Variants in ERCC6L2 observed in about 807,000 individuals in gnomAD.
The protein encoded by ERCC6L2 is DNA excision repair protein ERCC-6-like 2.
ERCC6L2 carries 77 observed loss-of-function variants against 132.0 expected under a neutral mutation model. The ratio of observed to expected loss-of-function variants is 0.58; its 90% CI spans 0.49 to 0.71. The LOEUF (loss-of-function observed/expected upper bound fraction) is 0.71. Ranked by LOEUF, ERCC6L2 falls within the 30% of genes least tolerant of loss-of-function variation. The pLI, the probability that ERCC6L2 is intolerant of heterozygous loss-of-function variation, is 0.00. For synonymous variants in ERCC6L2, 583 were observed against 632.4 expected (o/e 0.92, Z 1.17); for missense variants, 1,542 against 1,837.6 (o/e 0.84, Z 2.94).
intron 2 of ERCC6L2, among the ~76,000 whole-genome samples, chr9:95,884,595 A>G (rs575075263): frequency 3.3e-5 from 5 of 151,606 alleles, no homozygotes; most frequent in Admixed American, 2.6e-4. Flanking sequence ...CTTGTTTTAC[A>G]TACCAAATAA....
At chr9:95,990,403 C>T (rs1312774636) in intron 17 of ERCC6L2, among the ~76,000 whole-genome samples, 2 of 152,090 alleles carry the variant, frequency 1.3e-5, no homozygotes, top group African/African-American at 2.4e-5. Flanking sequence ...GTCCATGGAC[C>T]CTAAGATAGC....
At chr9:95,940,064 CCCTGTT>C (rs1301388174) in intron 11 of ERCC6L2, among the ~76,000 whole-genome samples, 1 of 152,160 alleles carries the variant, frequency 6.6e-6, no homozygotes, top group Non-Finnish European at 1.5e-5. Context: ...TGGAGGGAGA[CCCTGTT>C]ATCATTGGGA....
chr9:95,889,148 A>G (rs1244363311), intron 2 of ERCC6L2, among the ~76,000 whole-genome samples: 3 of 152,182 alleles, frequency 2.0e-5, no homozygotes, highest in African/African-American at 7.2e-5. Flanking sequence ...CATATGAAAT[A>G]TCTTCCAAAG....
chr9:95,931,780 T>G (rs780259360), intron 11 of ERCC6L2, among the ~76,000 whole-genome samples: 1 of 150,934 alleles, frequency 6.6e-6, no homozygotes, highest in South Asian at 2.1e-4. Context: ...TATTTGAGTC[T>G]TGGTGTGGAT....
chr9:95,900,455 CGTTA>C (rs1828715240), intron 3 of ERCC6L2, among the ~76,000 whole-genome samples: 1 of 151,236 alleles, frequency 6.6e-6, no homozygotes, highest in Non-Finnish European at 1.5e-5. Context: ...GTAGTTTTTT[CGTTA>C]GTCTTTTCTA....
At chr9:96,037,294 G>T (rs1235394602) in intron 19 of ERCC6L2, among the ~76,000 whole-genome samples, 3 of 152,182 alleles carry the variant, frequency 2.0e-5, no homozygotes, top group Admixed American at 6.5e-5. Flanking sequence ...CATTGATTGT[G>T]TGATCAACAC....
intron 14 of ERCC6L2, among the ~76,000 whole-genome samples, chr9:95,969,650 C>A (rs1832324827): frequency 6.6e-6 from 1 of 152,132 alleles, no homozygotes; most frequent in Admixed American, 6.6e-5. Flanking sequence ...GCTTCTGTTA[C>A]AGAGATAAAT....
intron 11 of ERCC6L2, among the ~76,000 whole-genome samples, chr9:95,935,749 A>G (rs769587631): frequency 6.6e-6 from 1 of 152,182 alleles, no homozygotes; most frequent in Non-Finnish European, 1.5e-5. Flanking sequence ...CAGAGACGGT[A>G]GGCCTGGTCA....
In ERCC6L2 at chr9:95,877,409, A is replaced by G. The variant is rs559733026; in HGVS notation, c.46+1325A>G. Among the ~76,000 whole-genome samples, 5 of 151,264 alleles carry G rather than the reference A, an allele frequency of 3.3e-5. No homozygotes were observed. In the South Asian group the frequency reaches 1.0e-3, roughly 32 times the overall value. The stretch of plus-strand genomic sequence containing the variant: ...CTTAGACCCCTTTCCCTTTTAAATT[A>G]CATTTCTCAATACTCCCTTCTCATA... On this transcript the variant is annotated intron_variant, in intron 1 of 18. Coordinates refer to ENST00000653738, the MANE Select transcript of ERCC6L2 (RefSeq NM_020207.7).
At chr9:95,967,936 A>G (rs1006310215) in intron 14 of ERCC6L2, 1 of 152,162 alleles carries the variant, frequency 6.6e-6, no homozygotes, top group African/African-American at 2.4e-5. Context: ...CTATAAAAAT[A>G]TTAGCATTTT....
intron 13 of ERCC6L2, among the ~76,000 whole-genome samples, chr9:95,956,748 A>G (rs1831623548): frequency 6.6e-6 from 1 of 152,180 alleles, no homozygotes; most frequent in South Asian, 2.1e-4. Context: ...GCATGGGTAT[A>G]ACTGCCCCCA....
intron 17 of ERCC6L2, among the ~76,000 whole-genome samples, chr9:95,979,653 C>T (rs1588015901): frequency 6.6e-6 from 1 of 152,142 alleles, no homozygotes; most frequent in South Asian, 2.1e-4. Context: ...GACTACAACT[C>T]GTGAAAGCAT....
chr9:95,994,389 C>T (rs1298417008), intron 17 of ERCC6L2, among the ~76,000 whole-genome samples: 1 of 152,144 alleles, frequency 6.6e-6, no homozygotes, highest in Non-Finnish European at 1.5e-5. Flanking sequence ...CTCCTTGTTT[C>T]CAGTTTTCTC....
chr9:95,939,300 T>C (rs1830693868), intron 11 of ERCC6L2, among the ~76,000 whole-genome samples: 1 of 152,030 alleles, frequency 6.6e-6, no homozygotes, highest in African/African-American at 2.4e-5. Context: ...TTTTTTTCCT[T>C]ATGAACTTTC....
chr9:95,931,492 T>C (rs184141759), intron 11 of ERCC6L2, among the ~76,000 whole-genome samples: 73 of 152,332 alleles, frequency 4.8e-4, no homozygotes, highest in African/African-American at 1.7e-3. Flanking sequence ...AAATATCCTC[T>C]GGTAACTTTT....
At chr9:96,027,219 G>A (rs1218152793) in intron 19 of ERCC6L2, among the ~76,000 whole-genome samples, 5 of 150,332 alleles carry the variant, frequency 3.3e-5, no homozygotes, top group Non-Finnish European at 7.4e-5. Flanking sequence ...CCACACCCCC[G>A]CCTCCAACAC....
At chr9:95,967,315 A>T (rs919343297) in intron 14 of ERCC6L2, 1 of 152,200 alleles carries the variant, frequency 6.6e-6, no homozygotes. Flanking sequence ...TGATATTCAT[A>T]TAGGTATCAT....
chr9:95,960,780 G>A (rs55865494), intron 13 of ERCC6L2, among the ~76,000 whole-genome samples: 3,749 of 152,176 alleles, frequency 0.025, 51 homozygotes, highest in Admixed American at 0.039. Flanking sequence ...CTATAGGTGC[G>A]TGCTACCACA....
intron 17 of ERCC6L2, among the ~76,000 whole-genome samples, chr9:95,988,324 G>A (rs690484): frequency 0.63 from 95,910 of 152,068 alleles, 30,735 homozygotes; most frequent in African/African-American, 0.72. Flanking sequence ...TACCCCTTTA[G>A]TATAACTAGG....
Sources: gnomAD v4.1 joint callset for allele counts (sites outside exome capture counted in the v4.1 genomes callset) on GRCh38, gnomAD v4.1.1 for gene constraint, MANE v1.5 for transcripts, NCBI Gene and HGNC (gene_info 2026-07-23, HGNC 2026-07-21) for gene names.